Variants in PVT1 observed in about 807,000 individuals in gnomAD.
PVT1 encodes the protein Pvt1 oncogene, also known as CXCR4/PVT1 fusion.
chr8:127,839,562 TA>T (rs1367256141), intron 2 of PVT1, among the ~76,000 whole-genome samples: 5 of 69,772 alleles, frequency 7.2e-5, no homozygotes, highest in Non-Finnish European at 9.5e-5. Flanking sequence ...AAATAAAAAA[TA>T]AAAAAAAAAT....
chr8:127,964,227 C>T (rs756712273), intron 3 of PVT1, among the ~76,000 whole-genome samples: 8 of 152,220 alleles, frequency 5.3e-5, no homozygotes, highest in Admixed American at 6.5e-5. Context: ...CCCAGATGTT[C>T]GGTGGTGTGT....
chr8:127,986,294 C>G (rs1212879406), intron 3 of PVT1, among the ~76,000 whole-genome samples: 1 of 152,126 alleles, frequency 6.6e-6, no homozygotes, highest in Non-Finnish European at 1.5e-5. Context: ...CTTGGAGGTC[C>G]TGAGTCAGCC....
chr8:128,078,312 C>T (rs1814119571), intron 5 of PVT1, among the ~76,000 whole-genome samples: 1 of 152,170 alleles, frequency 6.6e-6, no homozygotes. Flanking sequence ...AAACTCCCCT[C>T]CTTGTTCTCT....
At chr8:128,045,145 CA>C (rs774804137) in intron 4 of PVT1, among the ~76,000 whole-genome samples, 3 of 152,170 alleles carry the variant, frequency 2.0e-5, no homozygotes, top group Non-Finnish European at 4.4e-5. Flanking sequence ...TTTGCTGGGG[CA>C]GCCCTTGGAC....
chr8:127,903,193 T>C (rs1815779436), intron 3 of PVT1, among the ~76,000 whole-genome samples: 1 of 152,240 alleles, frequency 6.6e-6, no homozygotes, highest in African/African-American at 2.4e-5. Flanking sequence ...CTAGTGATGT[T>C]GTGCATTTTT....
At chr8:127,815,621 G>A (rs1481256381) in intron 2 of PVT1, among the ~76,000 whole-genome samples, 1 of 152,152 alleles carries the variant, frequency 6.6e-6, no homozygotes, top group Non-Finnish European at 1.5e-5. Context: ...CTTGGGCATG[G>A]CAGAAATTCA....
At chr8:127,863,078 TTTTA>T (rs146647918) in intron 2 of PVT1, among the ~76,000 whole-genome samples, 25,890 of 141,964 alleles carry the variant, frequency 0.18, 2,696 homozygotes, top group Non-Finnish European at 0.25. Context: ...CAGTTGCTAG[TTTTA>T]TTTATTTATT....
chr8:128,057,068 C>T (rs180871752), intron 4 of PVT1, among the ~76,000 whole-genome samples: 4 of 152,274 alleles, frequency 2.6e-5, no homozygotes, highest in Admixed American at 6.5e-5. Context: ...GCTGAGCTGA[C>T]GTCAAGTTTA....
intron 3 of PVT1, among the ~76,000 whole-genome samples, chr8:127,972,048 G>T (rs1213241383): frequency 6.6e-6 from 1 of 152,186 alleles, no homozygotes; most frequent in African/African-American, 2.4e-5. Flanking sequence ...GAAAGGCAAG[G>T]CATCTGGCCT....
chr8:127,807,837 G>A (rs1376224156), intron 2 of PVT1, among the ~76,000 whole-genome samples: 1 of 151,330 alleles, frequency 6.6e-6, no homozygotes, highest in Non-Finnish European at 1.5e-5. Context: ...GCGCCATCTC[G>A]GCTCACCGCA....
At chr8:127,972,373 G>A (rs910218104) in intron 3 of PVT1, among the ~76,000 whole-genome samples, 2 of 152,200 alleles carry the variant, frequency 1.3e-5, no homozygotes, top group South Asian at 4.1e-4. Flanking sequence ...CAGGGTGTTC[G>A]ATGGTTTCAA....
At chr8:127,921,811 T>TC (rs113973916) in intron 3 of PVT1, among the ~76,000 whole-genome samples, 139,054 of 144,212 alleles carry the variant, frequency 0.96, 67,100 homozygotes, top group Middle Eastern at 1. Context: ...AGACTCTGTC[T>TC]GGAAAATAAA....
intron 2 of PVT1, among the ~76,000 whole-genome samples, chr8:127,835,718 T>A (rs1012798091): frequency 1.2e-4 from 19 of 152,194 alleles, no homozygotes; most frequent in African/African-American, 4.6e-4. Flanking sequence ...ATCGAGTGAA[T>A]GAGCATTCTC....
chr8:127,890,665 GTTCAAGTATT>G (rs1815589644), exon 3 of PVT1: 1 of 152,208 alleles, frequency 6.6e-6, no homozygotes. Flanking sequence ...ATGGAGCTTC[GTTCAAGTATT>G]TTCTGAGCCT....
chr8:128,080,837 G>A (rs553974406), intron 5 of PVT1, among the ~76,000 whole-genome samples: 38 of 152,140 alleles, frequency 2.5e-4, no homozygotes, highest in African/African-American at 8.2e-4. Flanking sequence ...GAGTTTTATC[G>A]TTTTAAATTT....
intron 2 of PVT1, among the ~76,000 whole-genome samples, chr8:127,823,119 T>C (rs183980592): frequency 6.6e-6 from 1 of 152,344 alleles, no homozygotes; most frequent in East Asian, 1.9e-4. Context: ...AAGTGGCACG[T>C]ATGCTATGAT....
intron 4 of PVT1, among the ~76,000 whole-genome samples, chr8:128,034,759 T>G (rs1052978298): frequency 1.3e-5 from 2 of 152,336 alleles, no homozygotes; most frequent in Non-Finnish European, 2.9e-5. Flanking sequence ...AATTTATTCC[T>G]CACACTTGGC....
intron 4 of PVT1, among the ~76,000 whole-genome samples, chr8:128,002,606 TG>T (rs1022303898): frequency 2.0e-5 from 3 of 152,220 alleles, no homozygotes; most frequent in African/African-American, 7.2e-5. Context: ...TGGCGCTCTT[TG>T]GCTTGTCATT....
chr8:127,797,944 A>G (rs1814416176), intron 2 of PVT1, among the ~76,000 whole-genome samples: 1 of 152,208 alleles, frequency 6.6e-6, no homozygotes, highest in Non-Finnish European at 1.5e-5. Context: ...AGAGCTGTAG[A>G]GATTTGGACC....
Sources: allele counts gnomAD v4.1 joint callset (sites outside exome capture counted in the v4.1 genomes callset), GRCh38; gene constraint gnomAD v4.1.1; transcripts MANE v1.5; gene names NCBI Gene and HGNC (gene_info 2026-07-23, HGNC 2026-07-21).